DSCAML1: variants seen among roughly 807,000 people sequenced by gnomAD.
DSCAML1 encodes the protein cell adhesion molecule DSCAML1.
In DSCAML1, 38 loss-of-function variants were observed where a neutral mutation model predicts 200.5. The ratio of observed to expected loss-of-function variants is 0.19; its 90% CI spans 0.15 to 0.25. DSCAML1 has a LOEUF of 0.25. DSCAML1 is among the 10% of genes least tolerant of loss of function. The pLI, the probability that DSCAML1 is intolerant of heterozygous loss-of-function variation, is 1.00. For missense variants in DSCAML1, 2,223 were observed against 2,858.8 expected, an observed-to-expected ratio of 0.78 and a Z score of 5.07; for synonymous variants, 1,215 against 1,165.0, an observed-to-expected ratio of 1.04 and a Z score of -0.87.
chr11:117,797,247 CGGCTCCTGTCATCCGCGGGGCTGGGCTA>C, upstream of DSCAML1: 1 of 1,444,374 alleles, frequency 6.9e-7, no homozygotes, highest in Non-Finnish European at 9.1e-7. Flanking sequence ...CTCGGCTCCC[CGGCTCCTGTCATCCGCGGGGCTGGGCTA>C]GGCGGCCGCT....
At chr11:117,785,333 G>A (rs528816514) in intron 1 of DSCAML1, among the ~76,000 whole-genome samples, 7 of 152,310 alleles carry the variant, frequency 4.6e-5, no homozygotes, top group East Asian at 1.9e-4. Context: ...GAGAAAAAGC[G>A]TTGGGAAGAG....
intron 3 of DSCAML1, among the ~76,000 whole-genome samples, chr11:117,638,853 T>G (rs1016225889): frequency 1.2e-4 from 18 of 152,184 alleles, no homozygotes; most frequent in Non-Finnish European, 5.9e-5. Context: ...CATGCATAAG[T>G]TTTTGCGTGG....
At chr11:117,649,009 C>A (rs537476825) in intron 3 of DSCAML1, among the ~76,000 whole-genome samples, 1 of 151,570 alleles carries the variant, frequency 6.6e-6, no homozygotes, top group African/African-American at 2.4e-5. Context: ...ACTTATCTCT[C>A]TCTCCCTCTC....
rs1259493045 is a variant in DSCAML1, at chr11:117,596,677, A to G, written c.512-64155T>C. 2.0e-5 allele frequency among the ~76,000 whole-genome samples: 3 copies of G among 152,244 alleles called. 1 individual carries two copies. The South Asian group carries it at 6.2e-4, about 31-fold the overall frequency. ...AAGATGAGGTGTGGGAGGTGAAGACAGGGATACAGGGAAAAAGTAGTGAAA... is the reference window on the plus strand; with the variant it reads ...AAGATGAGGTGTGGGAGGTGAAGACGGGGATACAGGGAAAAAGTAGTGAAA... On this transcript the variant is annotated intron_variant, in intron 3 of 32. Coordinates refer to ENST00000651296, the MANE Select transcript of DSCAML1 (RefSeq NM_020693.4).
intron 3 of DSCAML1, among the ~76,000 whole-genome samples, chr11:117,730,317 G>C (rs1214577635): frequency 6.6e-6 from 1 of 152,150 alleles, no homozygotes; most frequent in African/African-American, 2.4e-5. Context: ...AGGAGTCAAG[G>C]ACAGTGGGTA....
In DSCAML1 at chr11:117,649,546, G is replaced by T. The variant is rs182290653; in HGVS notation, c.512-117024C>A. 2.6e-4 allele frequency among the ~76,000 whole-genome samples: 39 copies of T among 152,162 alleles called. 1 individual carries two copies. In the East Asian group the frequency reaches 7.3e-3, roughly 29 times the overall value. On this transcript the variant is annotated intron_variant, in intron 3 of 32. Transcript: ENST00000651296. ...CCTGGCAGCTTCCCGTGGTCACCAG[G>T]GCTTGGCTCTGCATCTCTCCTCTCC... is the stretch of plus-strand genomic sequence containing the variant.
chr11:117,569,328 A>C (rs2050808575), intron 3 of DSCAML1, among the ~76,000 whole-genome samples: 2 of 152,252 alleles, frequency 1.3e-5, no homozygotes, highest in Non-Finnish European at 2.9e-5. Context: ...TTCATGTCTA[A>C]AACACCGAAA....
intron 3 of DSCAML1, among the ~76,000 whole-genome samples, chr11:117,750,433 C>A (rs1237913240): frequency 1.3e-5 from 2 of 152,176 alleles, no homozygotes; most frequent in Non-Finnish European, 2.9e-5. Context: ...GGCTTGAGAG[C>A]AAGGGACCTG....
Position 117,437,531 on chromosome 11 carries a change from A to T in DSCAML1, c.4433-122T>A. 1 of 1,224,720 alleles carries T rather than the reference A, an allele frequency of 8.2e-7. No individual in the cohort carries two copies. The highest frequency in any genetic ancestry group is 1.1e-6 in the Non-Finnish European group (1 of 873,572). The allele number at this position is 1,224,720 out of a possible 1,614,324, so 75.9% of individuals were successfully genotyped here. On this transcript the variant is annotated intron_variant, in intron 25 of 32. Transcript: ENST00000651296. The surrounding 1 kb of genome is among the most constrained non-coding windows in gnomAD (Gnocchi z 5.3). ...GATGGCAGTGGCTCCAGGAGAATAC[A>T]TGTTTGGCACAGATGGGGTGGGGAA...
At chr11:117,529,376 C>G (rs1016333346) in intron 4 of DSCAML1, among the ~76,000 whole-genome samples, 1 of 152,138 alleles carries the variant, frequency 6.6e-6, no homozygotes. Context: ...CCACGCCTGG[C>G]CTTTCTTAAT....
At chr11:117,540,156 G>A (rs1034695384) in intron 3 of DSCAML1, among the ~76,000 whole-genome samples, 1 of 152,190 alleles carries the variant, frequency 6.6e-6, no homozygotes, top group South Asian at 2.1e-4. Context: ...TTTAATGCAG[G>A]GGTTCCCAAC....
intron 3 of DSCAML1, among the ~76,000 whole-genome samples, chr11:117,770,000 C>A (rs1052562861): frequency 6.6e-6 from 1 of 152,172 alleles, no homozygotes; most frequent in African/African-American, 2.4e-5. Context: ...CCCAGCCTTT[C>A]ATTGCCCATT....
chr11:117,812,285 G>C (rs2055767770), intron 1 of DSCAML1, among the ~76,000 whole-genome samples: 1 of 152,106 alleles, frequency 6.6e-6, no homozygotes, highest in South Asian at 2.1e-4. Flanking sequence ...GCTTTGAAAG[G>C]ATTAATGCCT....
chr11:117,793,383 C>T (rs1275756957), intron 1 of DSCAML1, among the ~76,000 whole-genome samples: 2 of 152,178 alleles, frequency 1.3e-5, no homozygotes, highest in Non-Finnish European at 2.9e-5. Context: ...GCCTGGAACT[C>T]GTATCCCTGC....
chr11:117,516,165 C>T lies in DSCAML1; in HGVS notation c.1783+302G>A, dbSNP rs2049762247. On this transcript the variant is annotated intron_variant, in intron 8 of 32. Coordinates refer to ENST00000651296, the MANE Select transcript of DSCAML1 (RefSeq NM_020693.4). The surrounding 1 kb of genome is among the most constrained non-coding windows in gnomAD (Gnocchi z 5.7). The stretch of plus-strand genomic sequence containing the variant: ...CCCATGCAGCCCATCTCTGACCTGG[C>T]CTCTCTCCCAGAAGGCAGCCTGCCT... Among the ~76,000 whole-genome samples the T allele has an allele frequency of 6.6e-6, 1 of 152,194 alleles. No homozygotes were observed. The highest frequency in any genetic ancestry group is 2.4e-5 in the African/African-American group (1 of 41,452).
intron 4 of DSCAML1, among the ~76,000 whole-genome samples, chr11:117,526,653 G>A (rs2137328600): frequency 6.6e-6 from 1 of 152,176 alleles, no homozygotes; most frequent in East Asian, 1.9e-4. Context: ...AAGAAGCTGG[G>A]ATTACAGGTG....
intron 3 of DSCAML1, among the ~76,000 whole-genome samples, chr11:117,557,319 G>A (rs766942138): frequency 6.6e-6 from 1 of 152,128 alleles, no homozygotes; most frequent in African/African-American, 2.4e-5. Flanking sequence ...TGGAAGAGAC[G>A]TGGGGCTCTG....
intron 3 of DSCAML1, among the ~76,000 whole-genome samples, chr11:117,743,625 C>A (rs1023854876): frequency 5.3e-5 from 8 of 152,176 alleles, no homozygotes; most frequent in South Asian, 2.1e-4. Context: ...GGCAGCAGGT[C>A]CTCCCCAAGC....
At chr11:117,445,830 G>T (rs17120765) in intron 20 of DSCAML1, among the ~76,000 whole-genome samples, 1 of 152,042 alleles carries the variant, frequency 6.6e-6, no homozygotes, top group Non-Finnish European at 1.5e-5. Flanking sequence ...GATACTGGGC[G>T]CTTTCCTTTT....
Sources: allele counts gnomAD v4.1 joint callset (sites outside exome capture counted in the v4.1 genomes callset), GRCh38; gene constraint gnomAD v4.1.1; non-coding constraint Gnocchi (gnomAD v3.1); transcripts MANE v1.5; gene names NCBI Gene and HGNC (gene_info 2026-07-23, HGNC 2026-07-21).